DLG2: variants seen among roughly 807,000 people sequenced by gnomAD.
DLG2 encodes disks large homolog 2.
A neutral mutation model predicts 132.5 loss-of-function variants in DLG2; 45 were observed. The ratio of observed to expected loss-of-function variants is 0.34; its 90% confidence interval spans 0.27 to 0.44. The LOEUF (loss-of-function observed/expected upper bound fraction) is 0.44. DLG2 is among the 20% of genes least tolerant of loss of function. The pLI, the probability that DLG2 is intolerant of heterozygous loss-of-function variation, is 1.00. For missense variants in DLG2, 1,045 were observed against 1,196.9 expected (o/e 0.87, Z 1.87); for synonymous variants, 424 against 419.6 (o/e 1.01, Z -0.13).
chr11:84,536,725 A>G (rs1252550604), intron 6 of DLG2, among the ~76,000 whole-genome samples: 2 of 152,194 alleles, frequency 1.3e-5, no homozygotes, highest in Non-Finnish European at 2.9e-5. Context: ...GTAGGAGTCA[A>G]TCAGACTCCA....
chr11:83,848,221 C>T (rs1029387607), intron 16 of DLG2, among the ~76,000 whole-genome samples: 1 of 151,224 alleles, frequency 6.6e-6, no homozygotes, highest in African/African-American at 2.4e-5. Context: ...CCATCTCTCA[C>T]TAGAATGCAA....
At chr11:85,158,230 G>A (rs191635011) in intron 4 of DLG2, among the ~76,000 whole-genome samples, 27 of 152,292 alleles carry the variant, frequency 1.8e-4, no homozygotes, top group African/African-American at 5.1e-4. Flanking sequence ...AATGGTGGAA[G>A]GAACATAGAA....
At chr11:85,351,837 C>G (rs888087436) in intron 3 of DLG2, among the ~76,000 whole-genome samples, 1 of 152,082 alleles carries the variant, frequency 6.6e-6, no homozygotes, top group Admixed American at 6.6e-5. Flanking sequence ...ATGTTCATAT[C>G]GATATTCATC....
rs187407094 is a variant in DLG2, at chr11:85,571,761, T to C, written c.40+26896A>G. 1.8e-4 allele frequency among the ~76,000 whole-genome samples: 27 copies of C among 152,310 alleles called. No individual in the cohort carries two copies. In the East Asian group the frequency reaches 5.2e-3, roughly 29 times the overall value. The stretch of plus-strand genomic sequence containing the variant: ...TTTTGCTCACCTGAAGTGTTATCTA[T>C]TGCATCCAATGAAAGCAACTAAAAT... On this transcript the variant is annotated intron_variant, in intron 3 of 27. Transcript: ENST00000376104.
intron 6 of DLG2, among the ~76,000 whole-genome samples, chr11:84,948,999 C>T (rs996610867): frequency 6.6e-6 from 1 of 152,162 alleles, no homozygotes; most frequent in African/African-American, 2.4e-5. Flanking sequence ...TAGGAGGGTC[C>T]TACTGAAAAA....
intron 6 of DLG2, among the ~76,000 whole-genome samples, chr11:85,010,164 G>C (rs145806360): frequency 1.3e-5 from 2 of 152,126 alleles, no homozygotes; most frequent in Admixed American, 1.3e-4. Flanking sequence ...TTAGAAATGT[G>C]ATTATCAGTA....
At chr11:85,268,056 C>T (rs938049282) in intron 4 of DLG2, among the ~76,000 whole-genome samples, 1 of 152,168 alleles carries the variant, frequency 6.6e-6, no homozygotes, top group Non-Finnish European at 1.5e-5. Flanking sequence ...GCACTAAGCA[C>T]TTTATTTGTA....
intron 6 of DLG2, among the ~76,000 whole-genome samples, chr11:84,779,134 G>C (rs115915383): frequency 1.3e-5 from 2 of 151,770 alleles, no homozygotes; most frequent in Admixed American, 6.6e-5. Flanking sequence ...GGGACTTCAC[G>C]TTGTGATTGT....
chr11:84,405,871 A>G (rs896359622), intron 7 of DLG2, among the ~76,000 whole-genome samples: 4 of 152,176 alleles, frequency 2.6e-5, no homozygotes, highest in African/African-American at 7.2e-5. Context: ...CTTGTAACTT[A>G]GTTCAGTTAC....
chr11:84,789,458 G>A (rs142658620), intron 6 of DLG2, among the ~76,000 whole-genome samples: 46 of 151,730 alleles, frequency 3.0e-4, no homozygotes, highest in Non-Finnish European at 5.2e-4. Context: ...TATATTTATG[G>A]GGTACATGAG....
rs1026900026 is a variant in DLG2, at chr11:85,473,372, G to A, written c.40+125285C>T. 1.4e-4 allele frequency among the ~76,000 whole-genome samples: 21 copies of A among 152,272 alleles called. 1 individual carries two copies. The highest frequency in any genetic ancestry group is 4.1e-4 in the African/African-American group (17 of 41,552). ...ATAATCAGTTCTGGACTTTTGCCCA[G>A]TTAAATAATTATTCAAAAGCAGAAG... is the stretch of plus-strand genomic sequence containing the variant. On this transcript the variant is annotated intron_variant, in intron 3 of 27. Coordinates refer to ENST00000376104, the MANE Select transcript of DLG2 (RefSeq NM_001142699.3).
At chr11:83,877,623 C>T (rs892282839) in intron 15 of DLG2, among the ~76,000 whole-genome samples, 8 of 152,080 alleles carry the variant, frequency 5.3e-5, no homozygotes, top group African/African-American at 1.4e-4. Flanking sequence ...AATTTGACTC[C>T]TTTTATATTA....
chr11:84,409,843 T>G (rs1046767253), intron 7 of DLG2, among the ~76,000 whole-genome samples: 1 of 152,126 alleles, frequency 6.6e-6, no homozygotes, highest in Non-Finnish European at 1.5e-5. Context: ...GTAGCACAAT[T>G]CCTCCCTCCC....
chr11:83,651,939 A>G (rs1300748153), intron 18 of DLG2: 1 of 452,466 alleles, frequency 2.2e-6, no homozygotes, highest in Admixed American at 2.4e-5. Context: ...ACCTTTGCAG[A>G]AAGTAAGAAA....
Position 85,598,787 on chromosome 11 carries a change from A to G in DLG2, c.-91T>C. 1 of 970,412 alleles carries G rather than the reference A, an allele frequency of 1.0e-6. No individual in the cohort carries two copies. Among genetic ancestry groups the G allele is most frequent in the Non-Finnish European group, 1.5e-6 (1 of 672,650 alleles). The allele number at this position is 970,412 out of a possible 1,614,324, so 60.1% of individuals were successfully genotyped here. Reference sequence around the variant, plus strand: ...CCAGTAATGATAAAGCTCGGTCAGTATCTGAAAAACATGATATTATTATTA... The same window carrying G: ...CCAGTAATGATAAAGCTCGGTCAGTGTCTGAAAAACATGATATTATTATTA... On this transcript the variant is annotated splice_region_variant and 5_prime_UTR_variant, in exon 3 of 28. Coordinates refer to ENST00000376104, the MANE Select transcript of DLG2 (RefSeq NM_001142699.3).
intron 4 of DLG2, among the ~76,000 whole-genome samples, chr11:85,213,246 G>A (rs991018680): frequency 3.9e-5 from 6 of 152,082 alleles, no homozygotes; most frequent in Admixed American, 6.6e-5. Context: ...ATCAATGGCC[G>A]CTGACATAGC....
intron 3 of DLG2, among the ~76,000 whole-genome samples, chr11:85,397,024 A>C (rs1483127643): frequency 6.6e-6 from 1 of 152,120 alleles, no homozygotes. Flanking sequence ...AGGGCATCCA[A>C]AGAGAGAGGT....
At chr11:85,569,148 C>A (rs2153225171) in intron 3 of DLG2, among the ~76,000 whole-genome samples, 1 of 152,324 alleles carries the variant, frequency 6.6e-6, no homozygotes, top group South Asian at 2.1e-4. Flanking sequence ...TCTCCTTCCT[C>A]AGCCTCCTGA....
At chr11:84,098,533 A>G (rs2092067845) in intron 10 of DLG2, among the ~76,000 whole-genome samples, 1 of 152,196 alleles carries the variant, frequency 6.6e-6, no homozygotes, top group East Asian at 1.9e-4. Flanking sequence ...GCCGAATATG[A>G]GAATACATAC....
Sources: gnomAD v4.1 joint callset for allele counts (sites outside exome capture counted in the v4.1 genomes callset) on GRCh38, gnomAD v4.1.1 for gene constraint, MANE v1.5 for transcripts, NCBI Gene and HGNC (gene_info 2026-07-23, HGNC 2026-07-21) for gene names.